ATP11A: variants seen among roughly 807,000 people sequenced by gnomAD.
ATP11A encodes phospholipid-transporting ATPase IH.
In ATP11A, 81 loss-of-function variants were observed where a neutral mutation model predicts 154.4. That is an observed-to-expected ratio of 0.52 (90% CI 0.44 to 0.63). The LOEUF (loss-of-function observed/expected upper bound fraction) is 0.63, where lower values mean the gene tolerates loss of function less well. Among genes scored for constraint, ATP11A ranks in the 30% least tolerant of loss-of-function variants. The pLI is 0.00. For missense variants in ATP11A, 1,316 were observed against 1,474.3 expected, an observed-to-expected ratio of 0.89 and a Z score of 1.76; for synonymous variants, 623 against 585.9, an observed-to-expected ratio of 1.06 and a Z score of -0.91.
chr13:112,787,601 G>A lies in ATP11A; in HGVS notation c.162+2344G>A, dbSNP rs1278339605. Reference sequence around the variant, plus strand: ...TAATTGACACCGGGTGTCCTGATGCGTAGACCCCTGTGGAGACCTACTTAA... The same window carrying A: ...TAATTGACACCGGGTGTCCTGATGCATAGACCCCTGTGGAGACCTACTTAA... On this transcript the variant is annotated intron_variant, in intron 2 of 29. Coordinates refer to ENST00000375645, the MANE Select transcript of ATP11A (RefSeq NM_015205.3). Among the ~76,000 whole-genome samples, 137 of 103,144 alleles carry A rather than the reference G, an allele frequency of 1.3e-3. 16 individuals are homozygous for A. Among genetic ancestry groups the A allele is most frequent in the Admixed American group, 0.011 (113 of 10,456 alleles). The allele number at this position is 103,144 out of a possible 152,430, so 67.7% of individuals were successfully genotyped here.
chr13:112,773,264 A>G (rs1022658120), intron 1 of ATP11A, among the ~76,000 whole-genome samples: 14 of 152,112 alleles, frequency 9.2e-5, no homozygotes, highest in Admixed American at 2.0e-4. Context: ...TGCAGGCTGT[A>G]AACCGCTTAG....
At chr13:112,858,560 A>G (rs1158490692) in intron 22 of ATP11A, 1 of 333,718 alleles carries the variant, frequency 3.0e-6, no homozygotes, top group Non-Finnish European at 5.6e-6. Flanking sequence ...TTTAAATTGC[A>G]TGCCATTCCG....
At chr13:112,734,647 T>G (rs1210335319) in intron 1 of ATP11A, among the ~76,000 whole-genome samples, 1 of 152,216 alleles carries the variant, frequency 6.6e-6, no homozygotes, top group Admixed American at 6.5e-5. Flanking sequence ...ACTCCTGTAC[T>G]TTTCATAAAT....
At chr13:112,737,637 C>T (rs556892156) in intron 1 of ATP11A, among the ~76,000 whole-genome samples, 47 of 152,346 alleles carry the variant, frequency 3.1e-4, no homozygotes, top group African/African-American at 1.0e-3. Flanking sequence ...CCGAGGGCCT[C>T]GTCTGCCTTC....
intron 25 of ATP11A, among the ~76,000 whole-genome samples, chr13:112,864,244 A>G (rs1594215657): frequency 1.6e-5 from 2 of 122,942 alleles, no homozygotes; most frequent in African/African-American, 3.0e-5. Context: ...CGGCCCATGC[A>G]GCTTCCCAGC....
At chr13:112,787,042 T>G (rs439679) in intron 2 of ATP11A, among the ~76,000 whole-genome samples, 4,948 of 39,768 alleles carry the variant, frequency 0.12, 282 homozygotes, top group African/African-American at 0.22. Flanking sequence ...CCCCTGTGGA[T>G]ACCTACTTAA....
chr13:112,851,359 GT>G, intron 18 of ATP11A, 141 bp downstream of exon 18: 2 of 750,226 alleles, frequency 2.7e-6, no homozygotes, highest in Non-Finnish European at 4.3e-6. Flanking sequence ...GAGAGGCTAG[GT>G]GTCTTGCTAC....
chr13:112,781,884 C>T (rs1162778717), intron 1 of ATP11A, among the ~76,000 whole-genome samples: 1 of 151,120 alleles, frequency 6.6e-6, no homozygotes, highest in Non-Finnish European at 1.5e-5. Flanking sequence ...ATGTATGTTT[C>T]CGACCTTCCT....
chr13:112,740,757 T>C (rs140918170), intron 1 of ATP11A, among the ~76,000 whole-genome samples: 357 of 152,252 alleles, frequency 2.3e-3, no homozygotes, highest in Middle Eastern at 6.8e-3. Flanking sequence ...GGACTTCCTG[T>C]TGTGTAACAT....
chr13:112,694,503 C>T (rs1234669439), intron 1 of ATP11A, among the ~76,000 whole-genome samples: 1 of 152,162 alleles, frequency 6.6e-6, no homozygotes, highest in African/African-American at 2.4e-5. Flanking sequence ...AAGCTTTACA[C>T]GCTGTGGTAA....
chr13:112,789,001 C>G lies in ATP11A; in HGVS notation c.162+3744C>G, dbSNP rs1055407750. ...GACTCCTATGTAGACATACTTAATT[C>G]ACATTGAGCATCCTGACATGTAGAC... On this transcript the variant is annotated intron_variant, in intron 2 of 29. Coordinates refer to ENST00000375645, the MANE Select transcript of ATP11A (RefSeq NM_015205.3). Among the ~76,000 whole-genome samples, 4 of 151,704 alleles carry G rather than the reference C, an allele frequency of 2.6e-5. No homozygotes were observed. The South Asian group carries it at 8.3e-4, about 32-fold the overall frequency.
At chr13:112,749,350 C>T (rs1211925404) in intron 1 of ATP11A, among the ~76,000 whole-genome samples, 5 of 152,324 alleles carry the variant, frequency 3.3e-5, no homozygotes, top group East Asian at 3.9e-4. Flanking sequence ...ACTTTCATTT[C>T]GTAGCATTCT....
intron 1 of ATP11A, among the ~76,000 whole-genome samples, chr13:112,716,833 C>T (rs1366129811): frequency 6.6e-6 from 1 of 152,160 alleles, no homozygotes; most frequent in Non-Finnish European, 1.5e-5. Flanking sequence ...GCTGGCCTCC[C>T]AGCCTCCCTC....
chr13:112,784,309 T>C lies in ATP11A; in HGVS notation c.40-826T>C, dbSNP rs551898898. On this transcript the variant is annotated intron_variant, in intron 1 of 29. Transcript: ENST00000375645. ...TTGCCATGGCAATGGTAAACTGATA[T>C]TCACACCGCGGGCATGTCTTATGGA... Among the ~76,000 whole-genome samples, 611 of 152,304 alleles carry C rather than the reference T, an allele frequency of 4.0e-3. 3 individuals are homozygous for C. The highest frequency in any genetic ancestry group is 0.014 in the African/African-American group (561 of 41,554).
chr13:112,802,594 A>G (rs895449811), intron 2 of ATP11A, among the ~76,000 whole-genome samples: 3 of 151,516 alleles, frequency 2.0e-5, no homozygotes, highest in African/African-American at 7.3e-5. Flanking sequence ...GTGACTCTAG[A>G]CAGTGATCAC....
At chr13:112,708,107 A>G (rs1887356455) in intron 1 of ATP11A, among the ~76,000 whole-genome samples, 1 of 152,166 alleles carries the variant, frequency 6.6e-6, no homozygotes, top group South Asian at 2.1e-4. Context: ...CATCCGCCAT[A>G]TTCACCTGAC....
At chr13:112,819,733 A>G (rs769334371) in intron 7 of ATP11A, among the ~76,000 whole-genome samples, 167 bp from the exon 8 acceptor site, 18 of 152,254 alleles carry the variant, frequency 1.2e-4, no homozygotes, top group Non-Finnish European at 2.5e-4. Context: ...TGAGCTGATC[A>G]GAACAGAAAG....
chr13:112,859,219 G>A lies in ATP11A; in HGVS notation c.2668-174G>A. On this transcript the variant is annotated intron_variant, in intron 22 of 29. Coordinates refer to ENST00000375645, the MANE Select transcript of ATP11A (RefSeq NM_015205.3). The surrounding 1 kb of genome is among the most constrained non-coding windows in gnomAD (Gnocchi z 4.3). Reference sequence around the variant, plus strand: ...GAGTGGCCAAAACGTGGTCACATGTGCATTTCAGTTGCCCCTGAAATAAGA... The same window carrying A: ...GAGTGGCCAAAACGTGGTCACATGTACATTTCAGTTGCCCCTGAAATAAGA... 1 of 643,154 alleles carries A rather than the reference G, an allele frequency of 1.6e-6. No individual in the cohort carries two copies. The highest frequency in any genetic ancestry group is 2.8e-6 in the Non-Finnish European group (1 of 352,294). 39.8% of individuals were successfully genotyped at this position (643,154 alleles called of 1,614,324 possible).
At chr13:112,830,585 A>G (rs1594818329) in intron 12 of ATP11A, among the ~76,000 whole-genome samples, 1 of 152,330 alleles carries the variant, frequency 6.6e-6, no homozygotes, top group African/African-American at 2.4e-5. Context: ...CAAAAAAAAT[A>G]AATAAAAATA....
Sources: gnomAD v4.1 joint callset for allele counts (sites outside exome capture counted in the v4.1 genomes callset) on GRCh38, gnomAD v4.1.1 for gene constraint, Gnocchi (gnomAD v3.1) non-coding constraint, MANE v1.5 for transcripts, NCBI Gene and HGNC (gene_info 2026-07-23, HGNC 2026-07-21) for gene names.